NAPEPLD: variants seen among roughly 807,000 people sequenced by gnomAD.
The protein encoded by NAPEPLD is N-acyl-phosphatidylethanolamine-hydrolyzing phospholipase D.
In NAPEPLD, 23 loss-of-function variants were observed where a neutral mutation model predicts 38.1. The ratio of observed to expected loss-of-function variants is 0.60; its 90% confidence interval spans 0.43 to 0.86. NAPEPLD has a LOEUF of 0.86. Ranked by LOEUF, NAPEPLD falls within the 40% of genes least tolerant of loss-of-function variation. The pLI, the probability that NAPEPLD is intolerant of heterozygous loss-of-function variation, is 0.00. For missense variants in NAPEPLD, 411 were observed against 476.8 expected, an observed-to-expected ratio of 0.86 and a Z score of 1.28; for synonymous variants, 147 against 162.0, an observed-to-expected ratio of 0.91 and a Z score of 0.71.
chr7:103,145,998 C>A (rs1165973626), intron 1 of NAPEPLD, among the ~76,000 whole-genome samples: 1 of 152,054 alleles, frequency 6.6e-6, no homozygotes, highest in Admixed American at 6.5e-5. Context: ...CGCACGCACA[C>A]ACATATATGT....
intron 1 of NAPEPLD, chr7:103,141,911 A>C: frequency 1.0e-6 from 1 of 1,004,230 alleles, no homozygotes; most frequent in Non-Finnish European, 1.6e-6. Flanking sequence ...ACTAGAGGCA[A>C]GCCTCTTCTG....
intron 3 of NAPEPLD, among the ~76,000 whole-genome samples, chr7:103,116,250 C>T (rs1805551359): frequency 6.6e-6 from 1 of 152,028 alleles, no homozygotes; most frequent in South Asian, 2.1e-4. Context: ...TTTAGTAGAA[C>T]CAGGGTTTCA....
In NAPEPLD at chr7:103,103,472, T is replaced by C. The variant is rs3181008; in HGVS notation, c.1139A>G (p.His380Arg). Residue 380 changes from histidine to arginine, a missense_variant, in exon 5 of 5, where the codon CAT becomes CGT. Transcript: ENST00000465647. ...ATTATTTAGGTATCTTGATTCTCCA[T>C]GCTTCAAGACAAAAAAATCTTCAGC... ...LNAEDFFVLK[H>R]GESRYLNNDD... The C allele has an allele frequency of 4.4e-6, 7 of 1,592,466 alleles. No individual in the cohort carries two copies. Among genetic ancestry groups the C allele is most frequent in the Non-Finnish European group, 6.0e-6 (7 of 1,174,130 alleles).
chr7:103,109,861 A>G (rs1341641336), intron 4 of NAPEPLD, among the ~76,000 whole-genome samples: 1 of 152,172 alleles, frequency 6.6e-6, no homozygotes, highest in Non-Finnish European at 1.5e-5. Context: ...AATCAAATTG[A>G]CGCAATAAAA....
chr7:103,107,725 A>C (rs991013369), intron 4 of NAPEPLD, among the ~76,000 whole-genome samples: 5 of 146,618 alleles, frequency 3.4e-5, no homozygotes, highest in Admixed American at 1.4e-4. Context: ...GAAATGAACA[A>C]AGACTCCAAG....
At chr7:103,110,814 G>A (rs936076687) in intron 4 of NAPEPLD, among the ~76,000 whole-genome samples, 2 of 152,184 alleles carry the variant, frequency 1.3e-5, no homozygotes, top group African/African-American at 4.8e-5. Flanking sequence ...TGACATGATT[G>A]TATATTTAGA....
At chr7:103,127,962 G>T in intron 2 of NAPEPLD, 1 of 153,318 alleles carries the variant, frequency 6.5e-6, no homozygotes, top group Non-Finnish European at 1.5e-5. Flanking sequence ...ACTTTTCAAG[G>T]TCTGGAAAGG....
intron 1 of NAPEPLD, among the ~76,000 whole-genome samples, chr7:103,131,844 A>G (rs1191374353): frequency 1.3e-5 from 2 of 152,222 alleles, no homozygotes; most frequent in African/African-American, 4.8e-5. Flanking sequence ...GGCTGGACAC[A>G]GTGGCTCATG....
chr7:103,149,506 C>T (rs1813301333), upstream of NAPEPLD: 2 of 1,263,208 alleles, frequency 1.6e-6, no homozygotes, highest in African/African-American at 3.2e-5. Context: ...GTCGCCGGGT[C>T]ACTCCCTTAT....
rs1171941926 is a variant in NAPEPLD at position 103,128,222 on chromosome 7, T to C, written c.294+261A>G. The stretch of plus-strand genomic sequence containing the variant: ...AATATTCACCTCCTCTGTGAAGCCA[T>C]CTCCAGCTCTTCCTGTCAGCATCAC... On this transcript the variant is annotated intron_variant, in intron 2 of 4. Coordinates refer to ENST00000465647, the MANE Select transcript of NAPEPLD (RefSeq NM_001122838.3). 4 of 448,840 alleles carry C rather than the reference T, an allele frequency of 8.9e-6. No individual in the cohort carries two copies. The East Asian group carries it at 1.4e-4, about 16-fold the overall frequency. The allele number at this position is 448,840 out of a possible 1,614,324, so 27.8% of individuals were successfully genotyped here.
At chr7:103,107,512 TAGACAAA>T (rs1803616277) in intron 4 of NAPEPLD, among the ~76,000 whole-genome samples, 1 of 152,080 alleles carries the variant, frequency 6.6e-6, no homozygotes, top group Non-Finnish European at 1.5e-5. Flanking sequence ...GAAAAAAGGT[TAGACAAA>T]TTGCTAACTA....
chr7:103,103,412 G>C lies in NAPEPLD; in HGVS notation c.*17C>G, dbSNP rs781332979. Reference sequence around the variant, plus strand: ...AGATGATGCCTTTTTCATTAAAAGTGCCTGTGCTCACATTTATTAAAAGTT... The same window carrying C: ...AGATGATGCCTTTTTCATTAAAAGTCCCTGTGCTCACATTTATTAAAAGTT... On this transcript the variant is annotated 3_prime_UTR_variant, in exon 5 of 5. Transcript: ENST00000465647. 4 of 1,528,120 alleles carry C rather than the reference G, an allele frequency of 2.6e-6. No homozygotes were observed. In the Admixed American group the frequency reaches 9.6e-5, roughly 37 times the overall value. 94.7% of individuals were successfully genotyped at this position (1,528,120 alleles called of 1,614,324 possible). A position where few individuals can be genotyped will look rare whatever the true frequency, so the allele number is the denominator to read the frequency against.
At chr7:103,120,301 T>A in intron 2 of NAPEPLD, 78 bp from the exon 3 acceptor site, 1 of 1,455,390 alleles carries the variant, frequency 6.9e-7, no homozygotes, top group Non-Finnish European at 9.2e-7. Flanking sequence ...CATTTTGACC[T>A]AAATAATGGC....
intron 3 of NAPEPLD, among the ~76,000 whole-genome samples, chr7:103,115,547 A>G (rs1805397786): frequency 6.6e-6 from 1 of 152,218 alleles, no homozygotes; most frequent in African/African-American, 2.4e-5. Flanking sequence ...TGTTTCACGT[A>G]TATTTTGATT....
chr7:103,122,262 C>T (rs1806867198), intron 2 of NAPEPLD, among the ~76,000 whole-genome samples: 1 of 152,036 alleles, frequency 6.6e-6, no homozygotes, highest in African/African-American at 2.4e-5. Context: ...CACACGTGCA[C>T]ACACACACGT....
chr7:103,120,677 A>G (rs1585854620), intron 2 of NAPEPLD, among the ~76,000 whole-genome samples: 1 of 147,364 alleles, frequency 6.8e-6, no homozygotes, highest in African/African-American at 2.5e-5. Flanking sequence ...GCTCTCAGAC[A>G]TGAATCATGA....
At chr7:103,108,194 G>A (rs1401240462) in intron 4 of NAPEPLD, among the ~76,000 whole-genome samples, 5 of 149,448 alleles carry the variant, frequency 3.3e-5, no homozygotes, top group Admixed American at 2.7e-4. Flanking sequence ...CCAGGTTGGA[G>A]TGCAGTGGTG....
In NAPEPLD at chr7:103,132,977, C is replaced by T. The variant is rs569932183; in HGVS notation, c.-16-4185G>A. On this transcript the variant is annotated intron_variant, in intron 1 of 4. Transcript: ENST00000465647. ...CAGGTCTCATTACCAAATAGCCATC[C>T]TCTCCTAACAAACCCCCTCCCCTAA... is the stretch of plus-strand genomic sequence containing the variant. Among the ~76,000 whole-genome samples, 59 of 152,190 alleles carry T rather than the reference C, an allele frequency of 3.9e-4. 1 individual carries two copies. Among genetic ancestry groups the T allele is most frequent in the Non-Finnish European group, 6.3e-4 (43 of 68,044 alleles).
chr7:103,145,933 T>C (rs1220579898), intron 1 of NAPEPLD, among the ~76,000 whole-genome samples: 1 of 151,930 alleles, frequency 6.6e-6, no homozygotes, highest in Non-Finnish European at 1.5e-5. Flanking sequence ...TAAGCTTTCA[T>C]TGGCTACTTT....
Sources: gnomAD v4.1 joint callset for allele counts (sites outside exome capture counted in the v4.1 genomes callset) on GRCh38, gnomAD v4.1.1 for gene constraint, MANE v1.5 for transcripts, NCBI Gene and HGNC (gene_info 2026-07-23, HGNC 2026-07-21) for gene names.